Variants in TTC34 observed in about 807,000 individuals in gnomAD.
TTC34 encodes the protein tetratricopeptide repeat domain 34, also known as tetratricopeptide repeat protein 34.
TTC34 carries 44 observed loss-of-function variants against 40.7 expected under a neutral mutation model. The observed-to-expected ratio is 1.08, with a 90% CI of 0.85 to 1.39. The LOEUF (loss-of-function observed/expected upper bound fraction) is 1.39, where lower values mean the gene tolerates loss of function less well. TTC34 is among the 40% of genes most tolerant of loss of function. The pLI is 0.00. For missense variants in TTC34, 884 were observed against 838.0 expected, an observed-to-expected ratio of 1.05 and a Z score of -0.68; for synonymous variants, 422 against 398.6, an observed-to-expected ratio of 1.06 and a Z score of -0.70.
exon 9 of TTC34, chr1:2,637,959 G>T (rs1268763486): frequency 6.6e-6 from 1 of 152,216 alleles, no homozygotes; most frequent in Non-Finnish European, 1.5e-5. Context: ...GTTGGGCTCA[G>T]ATGAAGCTGA....
chr1:2,684,494 A>C lies in TTC34; in HGVS notation c.2227-38931T>G, dbSNP rs559038147. On this transcript the variant is annotated intron_variant, in intron 6 of 8. Coordinates refer to ENST00000401095, the Ensembl canonical transcript of TTC34. ...ACCCACACACCCAGGCGAGCATCTG[A>C]TGGCCTGGAACGGCACCCACACCCC... Among the ~76,000 whole-genome samples, 550 of 147,954 alleles carry C rather than the reference A, an allele frequency of 3.7e-3. 72 individuals carry two copies. The highest frequency in any genetic ancestry group is 0.014 in the African/African-American group (533 of 38,358).
intron 1 of TTC34, among the ~76,000 whole-genome samples, chr1:2,801,213 G>A (rs1199753027): frequency 2.0e-5 from 3 of 152,074 alleles, no homozygotes; most frequent in East Asian, 3.9e-4. Flanking sequence ...CCAGCAATAG[G>A]AACCCCGGAC....
chr1:2,639,039 C>T (rs991597088), exon 9 of TTC34: 3 of 152,222 alleles, frequency 2.0e-5, no homozygotes, highest in Non-Finnish European at 4.4e-5. Context: ...GGTGGAGGGG[C>T]TTGGGAGAAC....
At chr1:2,686,104 T>C (rs1320148586) in intron 6 of TTC34, among the ~76,000 whole-genome samples, 1 of 121,950 alleles carries the variant, frequency 8.2e-6, no homozygotes. Context: ...TCTGACAGCC[T>C]GGAACGGCAC....
intron 8 of TTC34, 131 bp from the exon 9 acceptor site, chr1:2,642,026 G>T: frequency 1.9e-6 from 2 of 1,039,254 alleles, no homozygotes; most frequent in Non-Finnish European, 2.7e-6. Flanking sequence ...GCCCTGGGCT[G>T]CACAGGAGCT....
At chr1:2,687,419 T>C (rs1640414193) in intron 6 of TTC34, among the ~76,000 whole-genome samples, 2 of 148,682 alleles carry the variant, frequency 1.3e-5, no homozygotes, top group Non-Finnish European at 2.9e-5. Flanking sequence ...CAGGTGAGCA[T>C]CTGATGGTCT....
intron 6 of TTC34, among the ~76,000 whole-genome samples, chr1:2,651,182 G>A (rs1223765440): frequency 6.6e-6 from 1 of 151,478 alleles, no homozygotes; most frequent in African/African-American, 2.4e-5. Context: ...GCCTAAAACT[G>A]CACCTCACAG....
At chr1:2,694,959 T>A (rs531180888) in intron 6 of TTC34, among the ~76,000 whole-genome samples, 2 of 146,980 alleles carry the variant, frequency 1.4e-5, no homozygotes, top group East Asian at 2.0e-4. Flanking sequence ...CACCCCCAGG[T>A]GAGCATCTGA....
intron 8 of TTC34, 61 bp downstream of exon 8, chr1:2,644,203 G>T: frequency 6.8e-7 from 1 of 1,464,520 alleles, no homozygotes; most frequent in Non-Finnish European, 9.2e-7. Flanking sequence ...TGGGCCCGGG[G>T]GTCTCATGCC....
intron 5 of TTC34, 112 bp downstream of exon 5, chr1:2,785,707 C>T: frequency 8.2e-7 from 1 of 1,220,676 alleles, no homozygotes; most frequent in East Asian, 2.8e-5. Context: ...GTTCCTGAGG[C>T]CCCTGCACCT....
Position 2,796,549 on chromosome 1 carries a change from C to T in TTC34, c.784+3495G>A, listed in dbSNP as rs1180149516. ...GGAGCTGGGTCTTCCCTCACATTCC[C>T]CAAGCCTGCAACACTTGGGGGGTTC... On this transcript the variant is annotated intron_variant, in intron 2 of 8. Transcript: ENST00000401095. This position sits in a 1 kb window ranked among gnomAD's most constrained non-coding sequence, Gnocchi z 4.5. 1.3e-5 allele frequency among the ~76,000 whole-genome samples: 2 copies of T among 152,124 alleles called. No individual in the cohort carries two copies. Among genetic ancestry groups the T allele is most frequent in the Non-Finnish European group, 2.9e-5 (2 of 68,028 alleles).
intron 6 of TTC34, among the ~76,000 whole-genome samples, chr1:2,748,439 C>T (rs1456803419): frequency 5.3e-4 from 34 of 64,602 alleles, no homozygotes; most frequent in East Asian, 1.4e-3. Context: ...AGCACCCACA[C>T]CCCCAGGTGA....
chr1:2,786,289 C>T (rs1643588057), intron 4 of TTC34, among the ~76,000 whole-genome samples: 1 of 152,252 alleles, frequency 6.6e-6, no homozygotes, highest in African/African-American at 2.4e-5. Context: ...CTCCACCAGC[C>T]CCTGGCTGTG....
At chr1:2,657,454 C>T in intron 6 of TTC34, among the ~76,000 whole-genome samples, 1 of 90,066 alleles carries the variant, frequency 1.1e-5, no homozygotes, top group African/African-American at 3.5e-5. Flanking sequence ...TGGAGCAGCA[C>T]CCACGCCCCC....
chr1:2,791,350 C>T (rs1342644617), intron 2 of TTC34, among the ~76,000 whole-genome samples: 1 of 152,230 alleles, frequency 6.6e-6, no homozygotes, highest in South Asian at 2.1e-4. Flanking sequence ...GAGGGTCCAT[C>T]CCAGACCTCT....
chr1:2,785,038 C>T (rs1284991655), intron 5 of TTC34, among the ~76,000 whole-genome samples: 2 of 118,472 alleles, frequency 1.7e-5, no homozygotes, highest in East Asian at 2.5e-4. Context: ...TTCCTGCCGA[C>T]GTGTGCAGGG....
chr1:2,671,790 C>G, intron 6 of TTC34, among the ~76,000 whole-genome samples: 1 of 145,448 alleles, frequency 6.9e-6, no homozygotes, highest in Non-Finnish European at 1.5e-5. Context: ...AGCACCCACA[C>G]ACCGAGGTGA....
chr1:2,750,708 C>T (rs1436228237), intron 6 of TTC34, among the ~76,000 whole-genome samples: 1 of 139,222 alleles, frequency 7.2e-6, no homozygotes, highest in South Asian at 2.3e-4. Flanking sequence ...CATCCGACAG[C>T]CTGGAGCAGC....
chr1:2,656,383 T>C (rs763625561), intron 6 of TTC34, among the ~76,000 whole-genome samples: 208 of 1,856 alleles, frequency 0.11, 47 homozygotes, highest in African/African-American at 0.14. Flanking sequence ...CACCCACAGG[T>C]GAGCATCTGA....
Sources: gnomAD v4.1 joint callset for allele counts (sites outside exome capture counted in the v4.1 genomes callset) on GRCh38, gnomAD v4.1.1 for gene constraint, Gnocchi (gnomAD v3.1) non-coding constraint, MANE v1.5 for transcripts, NCBI Gene and HGNC (gene_info 2026-07-23, HGNC 2026-07-21) for gene names.